The following SPTBN1 variants were observed in gnomAD, a reference collection of about 807,000 sequenced individuals.
The protein encoded by SPTBN1 is spectrin beta chain, non-erythrocytic 1.
A neutral mutation model predicts 266.4 loss-of-function variants in SPTBN1; 32 were observed. That is an observed-to-expected ratio of 0.12 (90% CI 0.09 to 0.16). The LOEUF is 0.16. SPTBN1 is among the 10% of genes least tolerant of loss of function. The probability of loss-of-function intolerance (pLI) is 1.00; values close to 1 mark genes in which losing one functional copy is unlikely to be tolerated. For missense variants in SPTBN1, 2,296 were observed against 3,067.1 expected (o/e 0.75, Z 5.94); for synonymous variants, 1,336 against 1,162.2 (o/e 1.15, Z -3.04).
At chr2:54,469,638 G>A (rs1259884848) in intron 1 of SPTBN1, among the ~76,000 whole-genome samples, 1 of 152,180 alleles carries the variant, frequency 6.6e-6, no homozygotes, top group African/African-American at 2.4e-5. Context: ...CACTTGGGAT[G>A]GCAACAAGAC....
chr2:54,481,409 T>A (rs1006284020), intron 1 of SPTBN1, among the ~76,000 whole-genome samples: 21 of 94,436 alleles, frequency 2.2e-4, no homozygotes, highest in African/African-American at 9.1e-4. Flanking sequence ...TGTGTGTGTG[T>A]GTGTGTGTGT....
At chr2:54,619,571 C>T (rs1238652484) in intron 7 of SPTBN1, among the ~76,000 whole-genome samples, 1 of 152,158 alleles carries the variant, frequency 6.6e-6, no homozygotes, top group African/African-American at 2.4e-5. Context: ...TGGGTTTGAT[C>T]TTGATTATTA....
At chr2:54,594,298 G>T (rs1675900401) in intron 2 of SPTBN1, among the ~76,000 whole-genome samples, 1 of 151,752 alleles carries the variant, frequency 6.6e-6, no homozygotes, top group Non-Finnish European at 1.5e-5. Flanking sequence ...CTCATTTGTG[G>T]ATTCAGCTGA....
intron 2 of SPTBN1, among the ~76,000 whole-genome samples, chr2:54,586,312 G>A (rs1437913654): frequency 6.6e-6 from 1 of 152,086 alleles, no homozygotes; most frequent in Non-Finnish European, 1.5e-5. Context: ...ATGGTCACTG[G>A]CCAAAAAGGG....
intron 16 of SPTBN1, 122 bp downstream of exon 16, chr2:54,631,733 A>G: frequency 7.6e-7 from 1 of 1,308,640 alleles, no homozygotes; most frequent in Non-Finnish European, 1.0e-6. Flanking sequence ...GATAATTTAG[A>G]GACTGATTTT....
intron 1 of SPTBN1, among the ~76,000 whole-genome samples, chr2:54,478,927 T>C (rs936929617): frequency 6.6e-6 from 1 of 152,090 alleles, no homozygotes; most frequent in African/African-American, 2.4e-5. Flanking sequence ...TATATATATA[T>C]GTTTTATTAC....
At chr2:54,588,171 G>A (rs1199354180) in intron 2 of SPTBN1, among the ~76,000 whole-genome samples, 2 of 152,046 alleles carry the variant, frequency 1.3e-5, no homozygotes, top group Non-Finnish European at 2.9e-5. Context: ...GTCTCTATGG[G>A]GTATCATCAG....
In SPTBN1 at chr2:54,645,059, T is replaced by C; in HGVS notation, c.4270-170T>C. 1.6e-6 allele frequency: 1 copy of C among 637,752 alleles called. No homozygotes were observed. Among genetic ancestry groups the C allele is most frequent in the Non-Finnish European group, 2.7e-6 (1 of 368,742 alleles). 39.5% of individuals were successfully genotyped at this position (637,752 alleles called of 1,614,324 possible). A position where few individuals can be genotyped will look rare whatever the true frequency, so the allele number is the denominator to read the frequency against. On this transcript the variant is annotated intron_variant, in intron 20 of 35. Coordinates refer to ENST00000356805, the MANE Select transcript of SPTBN1 (RefSeq NM_003128.3). The surrounding 1 kb of genome is among the most constrained non-coding windows in gnomAD (Gnocchi z 4.3). ...CAAATGAATTTACCTCAGATTTACT[T>C]GAAAACAGTTCCATTGATGTTGAAA...
intron 1 of SPTBN1, among the ~76,000 whole-genome samples, chr2:54,477,840 G>A (rs1180015117): frequency 6.6e-6 from 1 of 152,096 alleles, no homozygotes; most frequent in Non-Finnish European, 1.5e-5. Context: ...GAACCTGGGA[G>A]GCGGAGGTTG....
chr2:54,497,982 C>T (rs1231135750), intron 1 of SPTBN1, among the ~76,000 whole-genome samples: 1 of 152,174 alleles, frequency 6.6e-6, no homozygotes, highest in African/African-American at 2.4e-5. Flanking sequence ...AACAAGCCCT[C>T]CAGTTGGCAT....
In SPTBN1 at chr2:54,566,980, C is replaced by T. The variant is rs185007747; in HGVS notation, c.149-32112C>T. ...CACTAAAATAAAACTTTAAAAAATACAGGGCTTGCTCTTTTGGTATTCTAC... is the reference window on the plus strand; with the variant it reads ...CACTAAAATAAAACTTTAAAAAATATAGGGCTTGCTCTTTTGGTATTCTAC... On this transcript the variant is annotated intron_variant, in intron 2 of 35. Transcript: ENST00000356805. 1.1e-4 allele frequency among the ~76,000 whole-genome samples: 16 copies of T among 152,298 alleles called. No individual in the cohort carries two copies. The East Asian group carries it at 1.3e-3, about 13-fold the overall frequency.
chr2:54,458,424 G>A (rs1239946527), intron 1 of SPTBN1, among the ~76,000 whole-genome samples: 1 of 152,184 alleles, frequency 6.6e-6, no homozygotes, highest in Non-Finnish European at 1.5e-5. Context: ...GTGTATGAGT[G>A]TCATGATGGG....
At chr2:54,581,097 T>A (rs993185278) in intron 2 of SPTBN1, among the ~76,000 whole-genome samples, 6 of 150,162 alleles carry the variant, frequency 4.0e-5, no homozygotes, top group South Asian at 4.2e-4. Context: ...GACTTAGTCT[T>A]AAAAAAAAAG....
chr2:54,632,647 A>G lies in SPTBN1; in HGVS notation c.3646A>G (p.Thr1216Ala). 3 of 1,614,244 alleles carry G rather than the reference A, an allele frequency of 1.9e-6. No homozygotes were observed. Among genetic ancestry groups the G allele is most frequent in the Non-Finnish European group, 2.5e-6 (3 of 1,180,046 alleles). Residue 1216 changes from threonine to alanine, a missense_variant, in exon 17 of 36, where the codon ACC (threonine) becomes GCC (alanine). Thr to Ala is a moderately conservative substitution (Grantham distance 58). Coordinates refer to ENST00000356805, the MANE Select transcript of SPTBN1 (RefSeq NM_003128.3). ...AATTAAAAAGCAAGAGGACTTCATG[A>G]CCACCATGGACGCCAATGAGGAGAA... ...AAIKKQEDFM[T>A]TMDANEEKIN...
At chr2:54,644,726 A>G (rs2104049527) in intron 20 of SPTBN1, 140 bp downstream of exon 20, 1 of 1,118,068 alleles carries the variant, frequency 8.9e-7, no homozygotes, top group Non-Finnish European at 1.3e-6. Flanking sequence ...TACTTGCTCT[A>G]ACAGCATCGT....
intron 2 of SPTBN1, among the ~76,000 whole-genome samples, chr2:54,543,908 C>A (rs1379726317): frequency 6.6e-6 from 1 of 152,104 alleles, no homozygotes; most frequent in Non-Finnish European, 1.5e-5. Flanking sequence ...CTGGCTCTTA[C>A]CGGAAGAGGG....
intron 17 of SPTBN1, among the ~76,000 whole-genome samples, chr2:54,636,994 GA>G (rs1558454974): frequency 1.3e-5 from 2 of 152,212 alleles, no homozygotes; most frequent in African/African-American, 2.4e-5. Context: ...GTGCATGAAG[GA>G]AGTTTGCCAA....
At chr2:54,484,185 C>T (rs1294728484) in intron 1 of SPTBN1, among the ~76,000 whole-genome samples, 1 of 152,124 alleles carries the variant, frequency 6.6e-6, no homozygotes. Context: ...GACCCTGTCT[C>T]AACAACAAAA....
At chr2:54,641,013 A>C (rs1043692840) in intron 18 of SPTBN1, among the ~76,000 whole-genome samples, 1 of 152,184 alleles carries the variant, frequency 6.6e-6, no homozygotes, top group African/African-American at 2.4e-5. Flanking sequence ...CAGGGATGTG[A>C]GTTAGTCCTT....
Sources: gnomAD v4.1 joint callset for allele counts (sites outside exome capture counted in the v4.1 genomes callset) on GRCh38, gnomAD v4.1.1 for gene constraint, Gnocchi (gnomAD v3.1) non-coding constraint, MANE v1.5 for transcripts, NCBI Gene and HGNC (gene_info 2026-07-23, HGNC 2026-07-21) for gene names.